Variants in PRKG1 observed in about 807,000 individuals in gnomAD.
PRKG1 encodes cGMP-dependent protein kinase 1.
Under a neutral mutation model 88.1 loss-of-function variants are expected in PRKG1, and 35 were observed. That is an observed-to-expected ratio of 0.40 (90% CI 0.30 to 0.53). The LOEUF is 0.53. Among genes scored for constraint, PRKG1 ranks in the 20% least tolerant of loss-of-function variants. The probability of loss-of-function intolerance (pLI) is 0.59; values close to 1 mark genes in which losing one functional copy is unlikely to be tolerated. For synonymous variants in PRKG1, 303 were observed against 292.5 expected (o/e 1.04, Z -0.37); for missense variants, 540 against 839.8 (o/e 0.64, Z 4.41).
At chr10:51,698,903 C>T in intron 3 of PRKG1, 1 of 1,613,638 alleles carries the variant, frequency 6.2e-7, no homozygotes, top group South Asian at 1.1e-5. Flanking sequence ...AGGGCCAGGG[C>T]CAGGGCCAGG....
chr10:52,166,791 A>ATATATATATATG (rs748533502), intron 9 of PRKG1, among the ~76,000 whole-genome samples: 2 of 36,874 alleles, frequency 5.4e-5, no homozygotes, highest in Non-Finnish European at 9.9e-5. Context: ...AAAAGCCTAT[A>ATATATATATATG]TATATACATA....
At chr10:51,228,196 T>C (rs978073474) in intron 2 of PRKG1, among the ~76,000 whole-genome samples, 1 of 152,216 alleles carries the variant, frequency 6.6e-6, no homozygotes, top group Non-Finnish European at 1.5e-5. Flanking sequence ...TTTAAAGGTC[T>C]GGGATAGATG....
intron 2 of PRKG1, among the ~76,000 whole-genome samples, chr10:51,349,543 G>C (rs1288479090): frequency 6.8e-6 from 1 of 146,092 alleles, no homozygotes; most frequent in Non-Finnish European, 1.5e-5. Context: ...GTCTTGCTCT[G>C]ACACTCAGGC....
intron 3 of PRKG1, among the ~76,000 whole-genome samples, chr10:51,580,453 T>C (rs1838001659): frequency 2.0e-5 from 3 of 152,176 alleles, no homozygotes; most frequent in Non-Finnish European, 1.5e-5. Context: ...TTTGAAATGG[T>C]ACCACTTTGT....
chr10:51,313,057 C>T (rs1841231560), intron 2 of PRKG1, among the ~76,000 whole-genome samples: 1 of 148,754 alleles, frequency 6.7e-6, no homozygotes, highest in South Asian at 2.2e-4. Flanking sequence ...AAACACAATT[C>T]CCATTAAGTT....
intron 1 of PRKG1, among the ~76,000 whole-genome samples, chr10:51,005,842 G>A (rs1414012980): frequency 2.0e-5 from 3 of 152,172 alleles, no homozygotes; most frequent in Non-Finnish European, 4.4e-5. Flanking sequence ...TCCAGGCTGG[G>A]TGCCTTATTT....
chr10:51,970,687 A>C (rs1452028583), intron 5 of PRKG1, among the ~76,000 whole-genome samples: 3 of 114,316 alleles, frequency 2.6e-5, no homozygotes, highest in Non-Finnish European at 3.7e-5. Context: ...TAATCATCTG[A>C]TATATATATC....
chr10:51,961,505 A>G (rs746477840), intron 5 of PRKG1, among the ~76,000 whole-genome samples: 1 of 152,214 alleles, frequency 6.6e-6, no homozygotes, highest in Non-Finnish European at 1.5e-5. Flanking sequence ...CATTTAACAG[A>G]TATCAGCAAT....
chr10:52,290,095 A>G (rs1005891843), intron 16 of PRKG1, 129 bp from the exon 17 acceptor site: 2 of 673,620 alleles, frequency 3.0e-6, no homozygotes, highest in African/African-American at 3.6e-5. Context: ...GCAATTAAAT[A>G]GAAAACATTT....
At chr10:51,442,246 C>T (rs149767798) in intron 2 of PRKG1, among the ~76,000 whole-genome samples, 1 of 151,910 alleles carries the variant, frequency 6.6e-6, no homozygotes, top group Non-Finnish European at 1.5e-5. Flanking sequence ...AGTGCTGTAT[C>T]TTTGTCAATT....
intron 2 of PRKG1, among the ~76,000 whole-genome samples, chr10:51,384,812 T>C (rs1837209382): frequency 6.6e-6 from 1 of 152,202 alleles, no homozygotes; most frequent in Non-Finnish European, 1.5e-5. Flanking sequence ...TCCCCGTAGC[T>C]CTTATAATGA....
intron 2 of PRKG1, among the ~76,000 whole-genome samples, chr10:51,403,886 G>T (rs1837831539): frequency 6.6e-6 from 1 of 152,118 alleles, no homozygotes; most frequent in Non-Finnish European, 1.5e-5. Context: ...TATTTTAGTT[G>T]AAGTATTTTG....
chr10:51,064,892 G>T (rs1843731090), intron 1 of PRKG1, among the ~76,000 whole-genome samples: 1 of 151,996 alleles, frequency 6.6e-6, no homozygotes, highest in Admixed American at 6.6e-5. Context: ...AGAAAGCAAA[G>T]CAAGAACAAG....
chr10:51,878,676 C>A (rs1006830605), intron 4 of PRKG1, among the ~76,000 whole-genome samples: 2 of 152,144 alleles, frequency 1.3e-5, no homozygotes, highest in African/African-American at 4.8e-5. Context: ...CAGAGTCTCA[C>A]CAGAAGGAGA....
chr10:51,043,975 A>G (rs1189387594), intron 1 of PRKG1, among the ~76,000 whole-genome samples: 5 of 152,194 alleles, frequency 3.3e-5, no homozygotes, highest in East Asian at 1.9e-4. Flanking sequence ...CAAGTGCTTC[A>G]CAGGTACTAA....
rs572522548 is a variant in PRKG1, at chr10:51,249,826, C to G, written c.478+96496C>G. The stretch of plus-strand genomic sequence containing the variant: ...AACACTACTATCATTGTGAAGTGTG[C>G]ATTCTAATAGCCGGGCATATTTGTC... On this transcript the variant is annotated intron_variant, in intron 2 of 17. Coordinates refer to ENST00000373980, the MANE Select transcript of PRKG1 (RefSeq NM_006258.4). Among the ~76,000 whole-genome samples, 7 of 151,894 alleles carry G rather than the reference C, an allele frequency of 4.6e-5. No homozygotes were observed. In the East Asian group the frequency reaches 1.4e-3, roughly 29 times the overall value.
intron 2 of PRKG1, among the ~76,000 whole-genome samples, chr10:51,278,594 T>C (rs1840200548): frequency 6.6e-6 from 1 of 152,184 alleles, no homozygotes; most frequent in Admixed American, 6.5e-5. Flanking sequence ...TGGACTTTTT[T>C]TGGTTGGTAG....
chr10:52,074,144 A>G (rs989306024), intron 7 of PRKG1, among the ~76,000 whole-genome samples: 2 of 152,198 alleles, frequency 1.3e-5, no homozygotes. Flanking sequence ...GGTACAAATT[A>G]TCAGTAACTG....
At chr10:51,621,114 A>G (rs10823275) in intron 3 of PRKG1, among the ~76,000 whole-genome samples, 96,165 of 148,886 alleles carry the variant, frequency 0.65, 33,656 homozygotes, top group East Asian at 0.82. Context: ...GTGTGTATAT[A>G]TATGCTGAAA....
Sources: gnomAD v4.1 joint callset for allele counts (sites outside exome capture counted in the v4.1 genomes callset) on GRCh38, gnomAD v4.1.1 for gene constraint, MANE v1.5 for transcripts, NCBI Gene and HGNC (gene_info 2026-07-23, HGNC 2026-07-21) for gene names.